The following UTS2B variants were observed in gnomAD, a reference collection of about 807,000 sequenced individuals.
UTS2B encodes the protein urotensin-2B.
Under a neutral mutation model 19.2 loss-of-function variants are expected in UTS2B, and 21 were observed. The ratio of observed to expected loss-of-function variants is 1.09; its 90% CI spans 0.78 to 1.58. UTS2B has a LOEUF of 1.58. Ranked by LOEUF, UTS2B falls within the 40% of genes most tolerant of loss-of-function variation. The pLI is 0.00. For synonymous variants in UTS2B, 57 were observed against 50.2 expected, an observed-to-expected ratio of 1.14 and a Z score of -0.58; for missense variants, 138 against 130.3, an observed-to-expected ratio of 1.06 and a Z score of -0.29.
chr3:191,336,754 A>G, the UTS2B span, among the ~76,000 whole-genome samples: 259 of 152,302 alleles, frequency 1.7e-3, 1 homozygote, highest in African/African-American at 6.0e-3. Context: ...ACATTTGGAA[A>G]ATTACAGAAT....
At chr3:191,307,328 T>C (rs1472219131) in intron 3 of UTS2B, among the ~76,000 whole-genome samples, 1 of 152,116 alleles carries the variant, frequency 6.6e-6, no homozygotes, top group Non-Finnish European at 1.5e-5. Context: ...CCCTGTGACC[T>C]TCCTATTCTA....
At chr3:191,341,835 C>T in the UTS2B span, among the ~76,000 whole-genome samples, 4 of 152,308 alleles carry the variant, frequency 2.6e-5, no homozygotes, top group African/African-American at 7.2e-5. Context: ...ATTTTCTGGA[C>T]GTACTTTGAA....
chr3:191,325,916 T>C (rs1226752946), intron 2 of UTS2B, among the ~76,000 whole-genome samples: 7 of 152,226 alleles, frequency 4.6e-5, no homozygotes, highest in Admixed American at 4.6e-4. Context: ...ATTTAAGCCA[T>C]TCAGTCTGTG....
At chr3:191,323,526 C>T (rs994009806) in intron 2 of UTS2B, among the ~76,000 whole-genome samples, 1 of 151,928 alleles carries the variant, frequency 6.6e-6, no homozygotes, top group Non-Finnish European at 1.5e-5. Context: ...AGGCTAGGGA[C>T]CTTGTAGGTA....
At chr3:191,271,681 T>A (rs1037546248) in intron 8 of UTS2B, among the ~76,000 whole-genome samples, 1 of 152,194 alleles carries the variant, frequency 6.6e-6, no homozygotes, top group Non-Finnish European at 1.5e-5. Context: ...GATCTGAGTC[T>A]CAGTTTTTAG....
At chr3:191,310,325 A>G (rs188052232) in intron 3 of UTS2B, among the ~76,000 whole-genome samples, 53 of 151,936 alleles carry the variant, frequency 3.5e-4, no homozygotes, top group African/African-American at 1.1e-3. Context: ...TAGAGATAAC[A>G]TCCCCTTTCA....
Position 191,270,942 on chromosome 3 carries a change from A to G in UTS2B, c.335-2501T>C, listed in dbSNP as rs538615290. 2.0e-5 allele frequency among the ~76,000 whole-genome samples: 3 copies of G among 152,286 alleles called. No individual in the cohort carries two copies. The South Asian group carries it at 6.2e-4, about 32-fold the overall frequency. ...GTCAAAGGGCCAGTTGTGGTGGCTC[A>G]TGCCTGTAATCCCAGCACTTTGGGA... On this transcript the variant is annotated intron_variant, in intron 8 of 8. Transcript: ENST00000340524.
chr3:191,283,082 C>G (rs1186360059), intron 4 of UTS2B, among the ~76,000 whole-genome samples: 1 of 152,146 alleles, frequency 6.6e-6, no homozygotes, highest in Admixed American at 6.5e-5. Context: ...TGACTCTGTT[C>G]CAGTGCATAC....
chr3:191,307,837 C>CT (rs34254108), intron 3 of UTS2B, among the ~76,000 whole-genome samples: 3,801 of 138,372 alleles, frequency 0.027, 67 homozygotes, highest in Non-Finnish European at 0.037. Context: ...GTTTTCTTCT[C>CT]TTTTTTTTTT....
chr3:191,312,701 C>T (rs1336647232), intron 3 of UTS2B, among the ~76,000 whole-genome samples: 3 of 152,134 alleles, frequency 2.0e-5, no homozygotes, highest in African/African-American at 4.8e-5. Context: ...ACAACAGAAA[C>T]GAAGTGAGTC....
At chr3:191,323,786 C>A (rs1012647319) in intron 2 of UTS2B, among the ~76,000 whole-genome samples, 64 of 152,162 alleles carry the variant, frequency 4.2e-4, no homozygotes, top group African/African-American at 1.5e-3. Context: ...GGTGGCAGGG[C>A]AAACAGATTA....
At chr3:191,302,058 A>G (rs1717018684) in intron 4 of UTS2B, among the ~76,000 whole-genome samples, 1 of 152,230 alleles carries the variant, frequency 6.6e-6, no homozygotes, top group African/African-American at 2.4e-5. Flanking sequence ...ATAGAAGGTC[A>G]GCACAAGATG....
upstream of UTS2B, among the ~76,000 whole-genome samples, chr3:191,331,047 T>G (rs189635895): frequency 1.6e-4 from 24 of 152,346 alleles, no homozygotes; most frequent in East Asian, 1.9e-3. Context: ...CTAAGGAGGC[T>G]GAGCGATAGG....
chr3:191,278,642 C>G (rs982115969), intron 5 of UTS2B, among the ~76,000 whole-genome samples: 1 of 151,850 alleles, frequency 6.6e-6, no homozygotes, highest in Non-Finnish European at 1.5e-5. Flanking sequence ...TCAAAGCATC[C>G]AAGGAAGATT....
At chr3:191,320,481 G>C (rs1015669541) in intron 2 of UTS2B, among the ~76,000 whole-genome samples, 3 of 152,206 alleles carry the variant, frequency 2.0e-5, no homozygotes, top group African/African-American at 7.2e-5. Context: ...TACCGTCCAA[G>C]GTTCATGTAC....
chr3:191,321,170 C>T (rs1717601205), intron 2 of UTS2B, among the ~76,000 whole-genome samples: 1 of 151,946 alleles, frequency 6.6e-6, no homozygotes, highest in African/African-American at 2.4e-5. Flanking sequence ...ACACTAAAGA[C>T]TATGATAAGA....
At chr3:191,330,794 A>G (rs1717954703), upstream of UTS2B, among the ~76,000 whole-genome samples, 1 of 152,162 alleles carries the variant, frequency 6.6e-6, no homozygotes, top group Non-Finnish European at 1.5e-5. Context: ...ATCTCAGGAA[A>G]ATGAGGGACT....
chr3:191,282,175 G>A lies in UTS2B; in HGVS notation c.15C>T (p.Leu5=). 1 of 1,611,448 alleles carries A rather than the reference G, an allele frequency of 6.2e-7. No individual in the cohort carries two copies. The highest frequency in any genetic ancestry group is 1.1e-5 in the South Asian group (1 of 90,698). MNKI[L]SSTVCFGLLT... The stretch of plus-strand genomic sequence containing the variant: ...GGAGTCCAAAGCAAACAGTGCTTGA[G>A]AGGATCTTGTTCATGTTAAAAAAAA... The change falls in exon 5 of 9, where the codon CTC becomes CTT. Residue 5 remains leucine, a synonymous_variant. Coordinates refer to ENST00000340524, the MANE Select transcript of UTS2B (RefSeq NM_198152.5).
intron 3 of UTS2B, among the ~76,000 whole-genome samples, chr3:191,310,665 T>C (rs1717276134): frequency 6.6e-6 from 1 of 151,860 alleles, no homozygotes. Flanking sequence ...GCTAACTTAT[T>C]TGCTTGCAAG....
Sources: allele counts gnomAD v4.1 joint callset (sites outside exome capture counted in the v4.1 genomes callset), GRCh38; gene constraint gnomAD v4.1.1; transcripts MANE v1.5; gene names NCBI Gene and HGNC (gene_info 2026-07-23, HGNC 2026-07-21).